The following ANO2 variants were observed in gnomAD, a reference collection of about 807,000 sequenced individuals.
The protein encoded by ANO2 is anoctamin-2.
A neutral mutation model predicts 124.2 loss-of-function variants in ANO2; 101 were observed. The observed-to-expected ratio is 0.81, with a 90% CI of 0.69 to 0.96. The LOEUF (loss-of-function observed/expected upper bound fraction) is 0.96, where lower values mean the gene tolerates loss of function less well. Among genes scored for constraint, ANO2 ranks in the 40% least tolerant of loss-of-function variants. The pLI, the probability that ANO2 is intolerant of heterozygous loss-of-function variation, is 0.00. For synonymous variants in ANO2, 486 were observed against 482.5 expected, an observed-to-expected ratio of 1.01 and a Z score of -0.09; for missense variants, 1,293 against 1,274.5, an observed-to-expected ratio of 1.01 and a Z score of -0.22.
intron 3 of ANO2, among the ~76,000 whole-genome samples, chr12:5,898,861 A>C (rs1939978058): frequency 6.6e-6 from 1 of 152,182 alleles, no homozygotes; most frequent in Non-Finnish European, 1.5e-5. Flanking sequence ...TTGTACAATA[A>C]AAATTTGTGT....
chr12:5,602,434 A>C (rs1943988076), intron 19 of ANO2, among the ~76,000 whole-genome samples: 1 of 150,514 alleles, frequency 6.6e-6, no homozygotes, highest in East Asian at 2.0e-4. Flanking sequence ...TTGTATTTTT[A>C]GTAAAGACAG....
At chr12:5,880,856 A>G (rs1244867311) in intron 3 of ANO2, among the ~76,000 whole-genome samples, 4 of 146,444 alleles carry the variant, frequency 2.7e-5, no homozygotes, top group Non-Finnish European at 3.0e-5. Context: ...GGGTGGGTGG[A>G]TAGATGGATG....
chr12:5,781,447 A>G (rs1183566733), intron 10 of ANO2, among the ~76,000 whole-genome samples: 1 of 152,210 alleles, frequency 6.6e-6, no homozygotes, highest in Non-Finnish European at 1.5e-5. Flanking sequence ...GATGTTGGTT[A>G]CAAGATTGAC....
At chr12:5,893,090 A>G (rs1280000229) in intron 3 of ANO2, among the ~76,000 whole-genome samples, 1 of 152,200 alleles carries the variant, frequency 6.6e-6, no homozygotes, top group Admixed American at 6.5e-5. Flanking sequence ...ATATCCAAAA[A>G]TCAACTCAAG....
chr12:5,750,427 C>A (rs1488717402), intron 11 of ANO2, among the ~76,000 whole-genome samples: 1 of 152,208 alleles, frequency 6.6e-6, no homozygotes, highest in African/African-American at 2.4e-5. Context: ...TCTGACCACA[C>A]AGATGTGATT....
chr12:5,686,277 T>A (rs1193889927), intron 14 of ANO2, among the ~76,000 whole-genome samples: 2 of 152,156 alleles, frequency 1.3e-5, no homozygotes, highest in Non-Finnish European at 2.9e-5. Context: ...ATCATCAGCA[T>A]CTTTCTTTAA....
intron 3 of ANO2, among the ~76,000 whole-genome samples, chr12:5,887,548 C>A (rs1939017370): frequency 1.3e-5 from 2 of 152,220 alleles, no homozygotes; most frequent in African/African-American, 4.8e-5. Flanking sequence ...GCTCAACTAG[C>A]CTTATCACTG....
At chr12:5,675,621 C>T (rs1358446746) in intron 14 of ANO2, among the ~76,000 whole-genome samples, 1 of 152,170 alleles carries the variant, frequency 6.6e-6, no homozygotes, top group Non-Finnish European at 1.5e-5. Flanking sequence ...GTAACCCATT[C>T]CCTTGCCTTG....
At chr12:5,625,733 A>T (rs938941285) in intron 16 of ANO2, among the ~76,000 whole-genome samples, 2 of 152,042 alleles carry the variant, frequency 1.3e-5, no homozygotes, top group Admixed American at 6.6e-5. Context: ...CCAAGCCTCA[A>T]CGTCAAGGTT....
chr12:5,604,336 C>T (rs751536868), intron 19 of ANO2, among the ~76,000 whole-genome samples: 11 of 152,128 alleles, frequency 7.2e-5, no homozygotes, highest in Non-Finnish European at 1.3e-4. Flanking sequence ...GGGAAACCCA[C>T]GAGACAACTA....
intron 10 of ANO2, among the ~76,000 whole-genome samples, chr12:5,756,483 C>T (rs1460742037): frequency 6.6e-6 from 1 of 152,202 alleles, no homozygotes; most frequent in Non-Finnish European, 1.5e-5. Flanking sequence ...TCTTCCAGTT[C>T]TTACTGACTG....
intron 13 of ANO2, among the ~76,000 whole-genome samples, chr12:5,736,770 C>G (rs1163834846): frequency 6.6e-6 from 1 of 152,152 alleles, no homozygotes; most frequent in Non-Finnish European, 1.5e-5. Context: ...ATACTGAGCC[C>G]TGTCCCCTGA....
intron 3 of ANO2, among the ~76,000 whole-genome samples, chr12:5,855,582 A>G (rs1388878400): frequency 2.0e-5 from 3 of 152,238 alleles, no homozygotes; most frequent in African/African-American, 7.2e-5. Flanking sequence ...CTAGAGTTTG[A>G]CAATATCTGA....
At chr12:5,627,411 C>A (rs559394715) in intron 16 of ANO2, among the ~76,000 whole-genome samples, 1 of 152,184 alleles carries the variant, frequency 6.6e-6, no homozygotes, top group Non-Finnish European at 1.5e-5. Context: ...ATGACCAGCA[C>A]TGTGGCGTCC....
chr12:5,920,984 G>C lies in ANO2; in HGVS notation c.534+56C>G, dbSNP rs2136302376. ...TGTCAGGTGGCACTGCTCACTAGGA[G>C]CCCGGTTCTGTGGTGCCATTCCATC... On this transcript the variant is annotated intron_variant, in intron 3 of 24. Coordinates refer to ENST00000682330, the MANE Select transcript of ANO2 (RefSeq NM_001364791.2). The C allele has an allele frequency of 2.6e-6, 4 of 1,547,146 alleles. No homozygotes were observed. In the South Asian group the frequency reaches 3.6e-5, roughly 14 times the overall value.
At chr12:5,782,660 C>T (rs1216634031) in intron 10 of ANO2, among the ~76,000 whole-genome samples, 1 of 152,128 alleles carries the variant, frequency 6.6e-6, no homozygotes, top group East Asian at 1.9e-4. Context: ...CATAGGAAAT[C>T]TACATTTTAT....
intron 10 of ANO2, among the ~76,000 whole-genome samples, chr12:5,772,818 T>C (rs931396823): frequency 6.6e-6 from 1 of 152,280 alleles, no homozygotes; most frequent in Non-Finnish European, 1.5e-5. Flanking sequence ...CTGAAAATCA[T>C]TTCTTCATCA....
At chr12:5,748,928 C>A (rs1951357445) in intron 11 of ANO2, among the ~76,000 whole-genome samples, 1 of 147,550 alleles carries the variant, frequency 6.8e-6, no homozygotes, top group Admixed American at 6.7e-5. Flanking sequence ...GAGTTTTATA[C>A]CAAAAAATCC....
At chr12:5,861,890 G>A (rs1418925483) in intron 3 of ANO2, among the ~76,000 whole-genome samples, 2 of 152,174 alleles carry the variant, frequency 1.3e-5, no homozygotes, top group African/African-American at 2.4e-5. Context: ...CGTCACAGGC[G>A]AAGGAGGAGA....
Sources: allele counts gnomAD v4.1 joint callset (sites outside exome capture counted in the v4.1 genomes callset), GRCh38; gene constraint gnomAD v4.1.1; transcripts MANE v1.5; gene names NCBI Gene and HGNC (gene_info 2026-07-23, HGNC 2026-07-21).